The following TET2 variants were observed in gnomAD, a reference collection of about 807,000 sequenced individuals.
TET2 encodes tet methylcytosine dioxygenase 2.
Under a neutral mutation model 142.9 loss-of-function variants are expected in TET2, and 299 were observed. The observed-to-expected ratio is 2.09, with a 90% CI of 1.90 to 2.30. The LOEUF is 2.30. Among genes scored for constraint, TET2 ranks in the 30% most tolerant of loss-of-function variants. TET2 has a pLI of 0.00. For synonymous variants in TET2, 819 were observed against 849.0 expected (o/e 0.96, Z 0.61); for missense variants, 2,418 against 2,378.0 (o/e 1.02, Z -0.35).
intron 1 of TET2, among the ~76,000 whole-genome samples, chr4:105,152,817 G>A (rs368649019): frequency 2.6e-5 from 4 of 152,052 alleles, no homozygotes; most frequent in East Asian, 3.9e-4. Context: ...GGCTGATCTC[G>A]TACTCCTGGT....
In TET2 at chr4:105,243,848, G is replaced by A. The variant is rs1387515000; in HGVS notation, c.3803+70G>A. 9 of 1,400,876 alleles carry A rather than the reference G, an allele frequency of 6.4e-6. No individual in the cohort carries two copies. In the South Asian group the frequency reaches 8.7e-5, roughly 14 times the overall value. 86.8% of individuals were successfully genotyped at this position (1,400,876 alleles called of 1,614,324 possible). A position where few individuals can be genotyped will look rare whatever the true frequency, so the allele number is the denominator to read the frequency against. ...GGAAAGCCCAATCTTTGGTTGAAAGGAAGAGAGTTCAGCGTGCACTTTTAC... is the reference window on the plus strand; with the variant it reads ...GGAAAGCCCAATCTTTGGTTGAAAGAAAGAGAGTTCAGCGTGCACTTTTAC... On this transcript the variant is annotated intron_variant, in intron 6 of 10. Coordinates refer to ENST00000380013, the MANE Select transcript of TET2 (RefSeq NM_001127208.3).
intron 1 of TET2, among the ~76,000 whole-genome samples, chr4:105,183,521 AAAT>A (rs1578575114): frequency 6.6e-6 from 1 of 152,278 alleles, no homozygotes; most frequent in Admixed American, 6.5e-5. Context: ...GTTGGAACAG[AAAT>A]AATACAATTT....
chr4:105,200,671 G>GTTTTTGT (rs1553948356), intron 2 of TET2, among the ~76,000 whole-genome samples: 8 of 150,390 alleles, frequency 5.3e-5, no homozygotes, highest in Non-Finnish European at 1.0e-4. Context: ...TTTTGTTTTT[G>GTTTTTGT]TTTTTTTGGA....
At chr4:105,212,979 G>C (rs1008636229) in intron 2 of TET2, among the ~76,000 whole-genome samples, 3 of 151,942 alleles carry the variant, frequency 2.0e-5, no homozygotes, top group Non-Finnish European at 2.9e-5. Flanking sequence ...GACAGAGTGA[G>C]AATCTGTCTC....
chr4:105,191,515 T>C (rs1560739422), intron 2 of TET2, among the ~76,000 whole-genome samples: 1 of 152,200 alleles, frequency 6.6e-6, no homozygotes, highest in Non-Finnish European at 1.5e-5. Context: ...TTAGGCTTTT[T>C]TTTTGTCTAT....
At position 105,191,634 on chromosome 4, in the gene TET2, A is replaced by G. The variant is rs1169005956; in HGVS notation, c.-47+1129A>G. On this transcript the variant is annotated intron_variant, in intron 2 of 10. Coordinates refer to ENST00000380013, the MANE Select transcript of TET2 (RefSeq NM_001127208.3). ...ATAGCTCTAATCTCTGCCTTACTGCAGACACCTGAGGATATAAGTATCCAC... is the reference window on the plus strand; with the variant it reads ...ATAGCTCTAATCTCTGCCTTACTGCGGACACCTGAGGATATAAGTATCCAC... Among the ~76,000 whole-genome samples the G allele has an allele frequency of 6.6e-5, 10 of 152,158 alleles. 1 individual carries two copies. The highest frequency in any genetic ancestry group is 6.6e-4 in the Admixed American group (10 of 15,266).
At chr4:105,147,621 A>G (rs1178307448) in intron 1 of TET2, 1 of 152,092 alleles carries the variant, frequency 6.6e-6, no homozygotes, top group Admixed American at 6.6e-5. Context: ...GCGCTGAGTG[A>G]AAGAGGAAAG....
intron 2 of TET2, among the ~76,000 whole-genome samples, chr4:105,201,157 G>A (rs946179774): frequency 6.6e-6 from 1 of 152,082 alleles, no homozygotes; most frequent in Non-Finnish European, 1.5e-5. Flanking sequence ...TTATCTGTCT[G>A]AATCATTAAA....
Position 105,237,349 on chromosome 4 carries a change from T to A in TET2, c.3407T>A (p.Val1136Glu), listed in dbSNP as rs1729016257. ...TQYDFPSCRC[V>E]EQIIEKDEGP... ...TATGATTTCCCATCTTGCAGATGTG[T>A]AGGTAAGTGCCAGAAATGTACTGAG... Residue 1136 changes from valine to glutamate, a missense_variant and splice_region_variant, in exon 3 of 11, where the codon GTA (valine) becomes GAA (glutamate). Transcript: ENST00000380013. The A allele has an allele frequency of 6.2e-7, 1 of 1,614,144 alleles. No homozygotes were observed.
rs533227429 is a variant in TET2 at position 105,190,317 on chromosome 4, C to G, written c.-192-43C>G. ...TTATATCAGGTGTATATACCCTGTT[C>G]CTTTTTGCTAACTTAAAAATGTTCA... On this transcript the variant is annotated intron_variant, in intron 1 of 10. Coordinates refer to ENST00000380013, the MANE Select transcript of TET2 (RefSeq NM_001127208.3). The G allele has an allele frequency of 8.1e-6, 5 of 617,614 alleles. No homozygotes were observed. In the Admixed American group the frequency reaches 1.1e-4, roughly 14 times the overall value. The allele number at this position is 617,614 out of a possible 1,614,324, so 38.3% of individuals were successfully genotyped here.
intron 1 of TET2, among the ~76,000 whole-genome samples, chr4:105,162,256 A>G (rs79438414): frequency 2.6e-5 from 4 of 152,310 alleles, no homozygotes; most frequent in East Asian, 1.9e-4. Flanking sequence ...CACATGGTCA[A>G]ACACATGGAG....
chr4:105,185,139 A>C (rs1725350069), intron 1 of TET2, among the ~76,000 whole-genome samples: 1 of 152,134 alleles, frequency 6.6e-6, no homozygotes, highest in Non-Finnish European at 1.5e-5. Context: ...ATTCATGTTT[A>C]TAGGTAGAGT....
chr4:105,265,144 G>A (rs78329118), intron 8 of TET2, among the ~76,000 whole-genome samples: 6,202 of 152,216 alleles, frequency 0.041, 281 homozygotes, highest in East Asian at 0.19. Flanking sequence ...ACATGAAGAT[G>A]ACATTTTAGA....
intron 2 of TET2, among the ~76,000 whole-genome samples, chr4:105,232,066 C>A (rs1024305867): frequency 6.6e-6 from 1 of 152,134 alleles, no homozygotes; most frequent in East Asian, 1.9e-4. Context: ...GTTGTTCCCC[C>A]TCTTTGTGTC....
At chr4:105,178,617 A>G (rs1292587007) in intron 1 of TET2, among the ~76,000 whole-genome samples, 1 of 152,182 alleles carries the variant, frequency 6.6e-6, no homozygotes, top group Admixed American at 6.5e-5. Context: ...TAACAAATAT[A>G]CCACTCTGGT....
chr4:105,171,908 A>C (rs1357643570), intron 1 of TET2, among the ~76,000 whole-genome samples: 1 of 152,170 alleles, frequency 6.6e-6, no homozygotes, highest in African/African-American at 2.4e-5. Flanking sequence ...ATATGTCCAT[A>C]GCATGCATTT....
At chr4:105,266,203 A>C (rs999016407) in intron 8 of TET2, among the ~76,000 whole-genome samples, 1 of 152,152 alleles carries the variant, frequency 6.6e-6, no homozygotes, top group African/African-American at 2.4e-5. Flanking sequence ...GACGGAGAAG[A>C]CTTCATAATA....
chr4:105,157,391 GT>G (rs2110363924), intron 1 of TET2, among the ~76,000 whole-genome samples: 1 of 152,144 alleles, frequency 6.6e-6, no homozygotes, highest in South Asian at 2.1e-4. Context: ...TTTAAACCTT[GT>G]TTTATAGATT....
intron 1 of TET2, among the ~76,000 whole-genome samples, chr4:105,174,289 A>G (rs892623044): frequency 6.6e-6 from 1 of 152,226 alleles, no homozygotes; most frequent in African/African-American, 2.4e-5. Flanking sequence ...GAAGTAGACT[A>G]TGATCACAGA....
Sources: gnomAD v4.1 joint callset for allele counts (sites outside exome capture counted in the v4.1 genomes callset) on GRCh38, gnomAD v4.1.1 for gene constraint, MANE v1.5 for transcripts, NCBI Gene and HGNC (gene_info 2026-07-23, HGNC 2026-07-21) for gene names.